The following PIK3CD variants were observed in gnomAD, a reference collection of about 807,000 sequenced individuals.
PIK3CD encodes phosphatidylinositol-4,5-bisphosphate 3-kinase catalytic subunit delta.
Under a neutral mutation model 122.9 loss-of-function variants are expected in PIK3CD, and 20 were observed. The observed-to-expected ratio is 0.16, with a 90% CI of 0.11 to 0.24. PIK3CD has a LOEUF of 0.24. Ranked by LOEUF, PIK3CD falls within the 10% of genes least tolerant of loss-of-function variation. The probability of loss-of-function intolerance (pLI) is 1.00; values close to 1 mark genes in which losing one functional copy is unlikely to be tolerated. For synonymous variants in PIK3CD, 596 were observed against 593.4 expected (o/e 1.00, Z -0.06); for missense variants, 787 against 1,406.3 (o/e 0.56, Z 7.04).
In PIK3CD at chr1:9,720,686, G is replaced by A; in HGVS notation, c.1521+25G>A. ...GGTGAGTGGGGTGGGGGTGTGGGGT[G>A]GGGGGCATGGAGCCGGCGTGGAACC... On this transcript the variant is annotated intron_variant, in intron 12 of 23. Coordinates refer to ENST00000377346, the MANE Select transcript of PIK3CD (RefSeq NM_005026.5). The surrounding 1 kb of genome is among the most constrained non-coding windows in gnomAD (Gnocchi z 9.0). 10 of 1,550,082 alleles carry A rather than the reference G, an allele frequency of 6.5e-6. No homozygotes were observed. Among genetic ancestry groups the A allele is most frequent in the Non-Finnish European group, 7.8e-6 (9 of 1,149,962 alleles).
At chr1:9,716,276 G>T in intron 5 of PIK3CD, 164 bp from the exon 6 acceptor site, 1 of 814,174 alleles carries the variant, frequency 1.2e-6, no homozygotes, top group Non-Finnish European at 2.0e-6. Flanking sequence ...CAAGTGGCGT[G>T]GGGCATTGGG....
chr1:9,677,475 G>A (rs903939817), intron 1 of PIK3CD, among the ~76,000 whole-genome samples: 2 of 151,630 alleles, frequency 1.3e-5, no homozygotes, highest in African/African-American at 2.4e-5. Context: ...GTGAAACCCC[G>A]TCTCTACTAA....
intron 5 of PIK3CD, 43 bp downstream of exon 5, chr1:9,716,121 A>T (rs777728848): frequency 1.3e-6 from 2 of 1,489,172 alleles, no homozygotes; most frequent in African/African-American, 2.8e-5. Context: ...TGCTCTGTCC[A>T]TGGGGAGCAC....
intron 5 of PIK3CD, 179 bp downstream of exon 5, chr1:9,716,257 C>T (rs1285802530): frequency 3.7e-6 from 3 of 805,798 alleles, no homozygotes; most frequent in Non-Finnish European, 6.2e-6. Flanking sequence ...CTCAACGTGG[C>T]AGGATAACCA....
intron 2 of PIK3CD, among the ~76,000 whole-genome samples, chr1:9,695,434 C>T (rs1001293969): frequency 1.3e-5 from 2 of 152,170 alleles, no homozygotes; most frequent in African/African-American, 2.4e-5. Flanking sequence ...AGGACATCAT[C>T]ATGAACTTTC....
At chr1:9,651,237 A>C (rs1343300785), upstream of PIK3CD, among the ~76,000 whole-genome samples, 1 of 152,224 alleles carries the variant, frequency 6.6e-6, no homozygotes, top group African/African-American at 2.4e-5. Flanking sequence ...TAATCCCTTC[A>C]AAATATGGCG....
At chr1:9,650,378 C>A (rs573214021), upstream of PIK3CD, among the ~76,000 whole-genome samples, 2 of 152,104 alleles carry the variant, frequency 1.3e-5, no homozygotes, top group Non-Finnish European at 2.9e-5. Flanking sequence ...GCCAAGATCA[C>A]GCCACTGCAC....
chr1:9,728,693 T>TAA lies in PIK3CD; in HGVS notation c.*1648_*1649dup, dbSNP rs1650078152. 1 of 152,262 alleles carries TAA rather than the reference T, an allele frequency of 6.6e-6. No individual in the cohort carries two copies. 9.4% of individuals were successfully genotyped at this position (152,262 alleles called of 1,614,324 possible). A position where few individuals can be genotyped will look rare whatever the true frequency, so the allele number is the denominator to read the frequency against. ...AAGCCGTGCGTGCGCGTTATTTATT[T>TAA]AAGTGCGCCTGTGTGCGCGGGTGTG... On this transcript the variant is annotated 3_prime_UTR_variant, in exon 24 of 24. Transcript: ENST00000377346.
chr1:9,712,429 T>G (rs1647092555), intron 3 of PIK3CD, among the ~76,000 whole-genome samples: 1 of 151,562 alleles, frequency 6.6e-6, no homozygotes, highest in Non-Finnish European at 1.5e-5. Context: ...TACAGGCACG[T>G]GCCACCACGC....
At chr1:9,716,704 C>G in intron 6 of PIK3CD, 85 bp downstream of exon 6, 1 of 1,416,476 alleles carries the variant, frequency 7.1e-7, no homozygotes, top group African/African-American at 1.4e-5. Context: ...GACATTTGGG[C>G]GCACCTTGAG....
intron 2 of PIK3CD, among the ~76,000 whole-genome samples, chr1:9,709,773 G>A (rs112122249): frequency 0.013 from 1,912 of 152,200 alleles, 45 homozygotes; most frequent in African/African-American, 0.042. Flanking sequence ...TTGGGAGGCC[G>A]AGGTGGGCGG....
upstream of PIK3CD, among the ~76,000 whole-genome samples, chr1:9,649,201 G>A (rs1644634661): frequency 6.6e-6 from 1 of 151,814 alleles, no homozygotes; most frequent in Non-Finnish European, 1.5e-5. Context: ...TTTCCTGGCT[G>A]GAATAACGGC....
At chr1:9,667,908 G>GT (rs745429754) in intron 1 of PIK3CD, among the ~76,000 whole-genome samples, 4,073 of 55,150 alleles carry the variant, frequency 0.074, 235 homozygotes, top group African/African-American at 0.13. Context: ...GCTAATTTTT[G>GT]TTTTTTTTTT....
upstream of PIK3CD, among the ~76,000 whole-genome samples, chr1:9,650,005 A>G (rs1342171577): frequency 6.6e-6 from 1 of 152,232 alleles, no homozygotes; most frequent in Non-Finnish European, 1.5e-5. Context: ...GATTAACAAG[A>G]GAAAAACCAT....
At chr1:9,708,426 C>G (rs1646926518) in intron 2 of PIK3CD, among the ~76,000 whole-genome samples, 1 of 151,742 alleles carries the variant, frequency 6.6e-6, no homozygotes, top group South Asian at 2.1e-4. Flanking sequence ...AAGTCATCTG[C>G]CTGTGTCGCC....
At position 9,704,125 on chromosome 1, in the gene PIK3CD, A is replaced by G. The variant is rs1646746860; in HGVS notation, c.-32-6299A>G. Among the ~76,000 whole-genome samples the G allele has an allele frequency of 6.6e-6, 1 of 152,168 alleles. No homozygotes were observed. The highest frequency in any genetic ancestry group is 2.4e-5 in the African/African-American group (1 of 41,442). ...TTCTTAGCCCAGAGAGACGGAAGGC[A>G]CTTCCACTTTCTCCTGTCCTGTCTC... On this transcript the variant is annotated intron_variant, in intron 2 of 23. Transcript: ENST00000377346. This position sits in a 1 kb window ranked among gnomAD's most constrained non-coding sequence, Gnocchi z 5.0.
At chr1:9,676,191 A>G (rs1330773099) in intron 1 of PIK3CD, among the ~76,000 whole-genome samples, 1 of 151,756 alleles carries the variant, frequency 6.6e-6, no homozygotes, top group Non-Finnish European at 1.5e-5. Flanking sequence ...TGGCATCCCA[A>G]AGTGCTGGGA....
At chr1:9,706,326 CAAA>C (rs373249969) in intron 2 of PIK3CD, among the ~76,000 whole-genome samples, 6 of 116,878 alleles carry the variant, frequency 5.1e-5, no homozygotes, top group Admixed American at 9.0e-5. Flanking sequence ...CCCTGTACCT[CAAA>C]AAAAAAAAAA....
chr1:9,673,740 C>T (rs1487018733), intron 1 of PIK3CD, among the ~76,000 whole-genome samples: 2 of 152,164 alleles, frequency 1.3e-5, no homozygotes, highest in Non-Finnish European at 2.9e-5. Flanking sequence ...TGAGATTTTA[C>T]AGTTGTCTTG....
Sources: gnomAD v4.1 joint callset for allele counts (sites outside exome capture counted in the v4.1 genomes callset) on GRCh38, gnomAD v4.1.1 for gene constraint, Gnocchi (gnomAD v3.1) non-coding constraint, MANE v1.5 for transcripts, NCBI Gene and HGNC (gene_info 2026-07-23, HGNC 2026-07-21) for gene names.